Variants in LRIG2 observed in about 807,000 individuals in gnomAD.
LRIG2 encodes leucine-rich repeats and immunoglobulin-like domains protein 2.
Under a neutral mutation model 107.8 loss-of-function variants are expected in LRIG2, and 93 were observed. That is an observed-to-expected ratio of 0.86 (90% CI 0.73 to 1.03). The LOEUF is 1.03. LRIG2 is among the 50% of genes least tolerant of loss of function. The pLI is 0.00. For missense variants in LRIG2, 1,226 were observed against 1,296.0 expected (o/e 0.95, Z 0.83); for synonymous variants, 471 against 470.6 (o/e 1.00, Z -0.01).
At chr1:113,074,542 TAC>T (rs1400167458) in intron 1 of LRIG2, among the ~76,000 whole-genome samples, 1 of 152,148 alleles carries the variant, frequency 6.6e-6, no homozygotes, top group Non-Finnish European at 1.5e-5. Context: ...ACCACTAACA[TAC>T]AGTTATTTCT....
At chr1:113,103,967 T>G (rs1353583034) in intron 11 of LRIG2, among the ~76,000 whole-genome samples, 2 of 152,188 alleles carry the variant, frequency 1.3e-5, no homozygotes, top group Admixed American at 1.3e-4. Context: ...GAGGCTACTC[T>G]GTTGTCTCTA....
intron 1 of LRIG2, among the ~76,000 whole-genome samples, chr1:113,084,872 C>T (rs1214916591): frequency 6.6e-6 from 1 of 152,152 alleles, no homozygotes; most frequent in African/African-American, 2.4e-5. Context: ...TCTTATATTT[C>T]CTATGCTAGA....
At chr1:113,104,241 A>G (rs1654437240) in intron 11 of LRIG2, among the ~76,000 whole-genome samples, 2 of 152,070 alleles carry the variant, frequency 1.3e-5, no homozygotes, top group Admixed American at 6.6e-5. Context: ...ACTCCCTTCA[A>G]ATTCTTACAT....
At chr1:113,110,851 T>G (rs1204967619) in intron 13 of LRIG2, among the ~76,000 whole-genome samples, 1 of 152,142 alleles carries the variant, frequency 6.6e-6, no homozygotes, top group East Asian at 1.9e-4. Flanking sequence ...AAATTCTCAG[T>G]TTTCATTCCA....
intron 14 of LRIG2, among the ~76,000 whole-genome samples, chr1:113,112,994 A>C (rs1654837607): frequency 6.6e-6 from 1 of 152,160 alleles, no homozygotes; most frequent in Admixed American, 6.6e-5. Flanking sequence ...CAATAATTGA[A>C]AGTTCAAATT....
chr1:113,099,954 A>G (rs1263692280), intron 9 of LRIG2, among the ~76,000 whole-genome samples: 1 of 152,190 alleles, frequency 6.6e-6, no homozygotes, highest in African/African-American at 2.4e-5. Context: ...GAGCTTTAAC[A>G]TCTTGATAGA....
intron 17 of LRIG2, among the ~76,000 whole-genome samples, chr1:113,123,562 G>A (rs1440457215): frequency 1.3e-5 from 2 of 152,064 alleles, no homozygotes; most frequent in East Asian, 1.9e-4. Flanking sequence ...CAACAAGAGC[G>A]AAACTCCATC....
Position 113,128,245 on chromosome 1 carries a change from CTG to C in LRIG2, c.*4145_*4146del, listed in dbSNP as rs1285864957. 6.6e-6 allele frequency: 1 copy of C among 152,148 alleles called. No homozygotes were observed. Among genetic ancestry groups the C allele is most frequent in the East Asian group, 1.9e-4 (1 of 5,186 alleles). The allele number at this position is 152,148 out of a possible 1,614,324, so 9.4% of individuals were successfully genotyped here. ...TTTTATGTCTTTACTATGTCAGCCT[CTG>C]ATCATTTTCACTTTGAACTTCCTAA... is the stretch of plus-strand genomic sequence containing the variant. On this transcript the variant is annotated 3_prime_UTR_variant, in exon 18 of 18. Coordinates refer to ENST00000361127, the MANE Select transcript of LRIG2 (RefSeq NM_014813.3).
intron 16 of LRIG2, among the ~76,000 whole-genome samples, chr1:113,117,237 A>G (rs1383071201): frequency 6.6e-6 from 1 of 152,168 alleles, no homozygotes; most frequent in Non-Finnish European, 1.5e-5. Flanking sequence ...CTCTGTGACC[A>G]TGAAGCTAGT....
intron 6 of LRIG2, among the ~76,000 whole-genome samples, chr1:113,095,499 C>A (rs1415906598): frequency 6.6e-6 from 1 of 151,540 alleles, no homozygotes; most frequent in Non-Finnish European, 1.5e-5. Flanking sequence ...ACCTCTGCCT[C>A]ATGGGTTCAA....
At chr1:113,104,715 T>C (rs564921258) in intron 11 of LRIG2, among the ~76,000 whole-genome samples, 2 of 152,170 alleles carry the variant, frequency 1.3e-5, no homozygotes, top group Admixed American at 1.3e-4. Context: ...AGTGACCTCA[T>C]CCAATTTATG....
intron 1 of LRIG2, among the ~76,000 whole-genome samples, chr1:113,075,005 G>C (rs183697306): frequency 1.2e-3 from 175 of 152,044 alleles, no homozygotes; most frequent in Middle Eastern, 3.4e-3. Context: ...ATCACCTAAG[G>C]TTGGGAGTTC....
At chr1:113,096,062 C>T (rs980076371) in intron 7 of LRIG2, 45 bp downstream of exon 7, 1 of 1,611,074 alleles carries the variant, frequency 6.2e-7, no homozygotes, top group African/African-American at 1.3e-5. Context: ...AAGACTAGAG[C>T]AGATTGGAAT....
rs185676275 is a variant in LRIG2 at position 113,093,071 on chromosome 1, G to A, written c.306-135G>A. 4.8e-4 allele frequency: 280 copies of A among 577,836 alleles called. 3 individuals are homozygous for A. In the East Asian group the frequency reaches 5.0e-3, roughly 10 times the overall value. 35.8% of individuals were successfully genotyped at this position (577,836 alleles called of 1,614,324 possible). A position where few individuals can be genotyped will look rare whatever the true frequency, so the allele number is the denominator to read the frequency against. On this transcript the variant is annotated intron_variant, in intron 2 of 17. Coordinates refer to ENST00000361127, the MANE Select transcript of LRIG2 (RefSeq NM_014813.3). The stretch of plus-strand genomic sequence containing the variant: ...TCTCAATAAATACATTTTTATTTTC[G>A]TCTAACTCATTCTGAGTCATATTCT...
At chr1:113,094,987 T>A (rs1653991555) in intron 6 of LRIG2, among the ~76,000 whole-genome samples, 2 of 134,782 alleles carry the variant, frequency 1.5e-5, no homozygotes, top group African/African-American at 5.2e-5. Flanking sequence ...TATATATATT[T>A]TTTTTGAGAT....
rs760031739 is a variant in LRIG2, at chr1:113,107,578, C to T, written c.1314-16C>T. The T allele has an allele frequency of 6.3e-7, 1 of 1,599,122 alleles. No individual in the cohort carries two copies. The highest frequency in any genetic ancestry group is 1.1e-5 in the South Asian group (1 of 87,840). ...AAGTAAAACAAAGGATGCTTTTCCTCTTTTCTTTCCTGCAGGATTCTGAAC... is the reference window on the plus strand; with the variant it reads ...AAGTAAAACAAAGGATGCTTTTCCTTTTTTCTTTCCTGCAGGATTCTGAAC... On this transcript the variant is annotated splice_polypyrimidine_tract_variant and intron_variant, in intron 11 of 17. Coordinates refer to ENST00000361127, the MANE Select transcript of LRIG2 (RefSeq NM_014813.3).
rs758076054 is a variant in LRIG2 at position 113,093,493 on chromosome 1, T to A, written c.444T>A (p.Ser148Arg). ...TCCAGTTTTACCCTGCTCTGGAGAG[T>A]TTAGACCTCAGCTCAAATATAATAT... ...QALQFYPALE[S>R]LDLSSNIISE... Residue 148 changes from serine to arginine, a missense_variant, in exon 4 of 18, where the codon AGT becomes AGA. Ser to Arg is a moderately radical substitution (Grantham distance 110). Transcript: ENST00000361127. 1 of 1,611,570 alleles carries A rather than the reference T, an allele frequency of 6.2e-7. No homozygotes were observed. Among genetic ancestry groups the A allele is most frequent in the African/African-American group, 1.3e-5 (1 of 74,866 alleles).
chr1:113,117,288 A>G (rs1655062080), intron 16 of LRIG2, among the ~76,000 whole-genome samples: 1 of 152,224 alleles, frequency 6.6e-6, no homozygotes, highest in South Asian at 2.1e-4. Flanking sequence ...TTTTAAATAA[A>G]GAGACAATAA....
chr1:113,074,105 T>C (rs1429134807), intron 1 of LRIG2, among the ~76,000 whole-genome samples: 1 of 152,164 alleles, frequency 6.6e-6, no homozygotes, highest in African/African-American at 2.4e-5. Context: ...GCCAAAGACC[T>C]ATGAACTGTC....
Sources: allele counts gnomAD v4.1 joint callset (sites outside exome capture counted in the v4.1 genomes callset), GRCh38; gene constraint gnomAD v4.1.1; transcripts MANE v1.5; gene names NCBI Gene and HGNC (gene_info 2026-07-23, HGNC 2026-07-21).